Variants in WASHC5 observed in about 807,000 individuals in gnomAD.
WASHC5 encodes WASH complex subunit strumpellin.
Under a neutral mutation model 150.4 loss-of-function variants are expected in WASHC5, and 101 were observed. The ratio of observed to expected loss-of-function variants is 0.67; its 90% CI spans 0.57 to 0.79. WASHC5 has a LOEUF of 0.79. Ranked by LOEUF, WASHC5 falls within the 30% of genes least tolerant of loss-of-function variation. The pLI is 0.00. For synonymous variants in WASHC5, 467 were observed against 491.2 expected (o/e 0.95, Z 0.65); for missense variants, 1,195 against 1,396.3 (o/e 0.86, Z 2.30).
At chr8:125,026,725 G>A (rs1815388017) in intron 28 of WASHC5, among the ~76,000 whole-genome samples, 2 of 151,980 alleles carry the variant, frequency 1.3e-5, no homozygotes, top group African/African-American at 2.4e-5. Flanking sequence ...TGTGTTTCTA[G>A]GCTACATATT....
intron 1 of WASHC5, among the ~76,000 whole-genome samples, chr8:125,085,311 G>A (rs911576147): frequency 5.9e-5 from 9 of 152,134 alleles, no homozygotes; most frequent in Non-Finnish European, 1.3e-4. Flanking sequence ...CTAGGAATTC[G>A]GGGCTAGAGA....
At chr8:125,065,296 T>C (rs1816714813) in intron 10 of WASHC5, among the ~76,000 whole-genome samples, 1 of 152,174 alleles carries the variant, frequency 6.6e-6, no homozygotes, top group African/African-American at 2.4e-5. Context: ...AATTCAAATG[T>C]ATCATTTCTT....
intron 5 of WASHC5, among the ~76,000 whole-genome samples, chr8:125,079,848 ATG>A (rs1190093360): frequency 2.6e-5 from 4 of 152,190 alleles, no homozygotes; most frequent in Non-Finnish European, 5.9e-5. Flanking sequence ...GTATATGTAC[ATG>A]TGTGTTGTGT....
At chr8:125,032,220 G>T in intron 27 of WASHC5, 21 bp downstream of exon 27, 11 of 1,613,882 alleles carry the variant, frequency 6.8e-6, no homozygotes, top group Non-Finnish European at 9.3e-6. Context: ...GTCCCACGTA[G>T]TCCTGGTTGG....
intron 20 of WASHC5, among the ~76,000 whole-genome samples, 196 bp downstream of exon 20, chr8:125,047,011 G>A (rs922226993): frequency 5.3e-5 from 8 of 152,168 alleles, no homozygotes; most frequent in Non-Finnish European, 1.0e-4. Flanking sequence ...CTTGCTGTGC[G>A]GTCAGGTTCC....
At chr8:125,049,731 C>T (rs1816182451) in intron 18 of WASHC5, among the ~76,000 whole-genome samples, 1 of 151,074 alleles carries the variant, frequency 6.6e-6, no homozygotes, top group African/African-American at 2.4e-5. Flanking sequence ...ATCCCAGCTA[C>T]TTAGGAGGCT....
chr8:125,066,212 A>G (rs931335571), intron 10 of WASHC5, among the ~76,000 whole-genome samples: 1 of 152,258 alleles, frequency 6.6e-6, no homozygotes, highest in African/African-American at 2.4e-5. Context: ...GATTTGATAA[A>G]ATTATGCCCA....
intron 28 of WASHC5, 86 bp downstream of exon 28, chr8:125,028,534 G>A: frequency 1.1e-6 from 1 of 924,302 alleles, no homozygotes; most frequent in Non-Finnish European, 1.8e-6. Flanking sequence ...ACGACCTATT[G>A]GGCTTCACTC....
In WASHC5 at chr8:125,039,592, G is replaced by A. The variant is rs188523356; in HGVS notation, c.2954+203C>T. Among the ~76,000 whole-genome samples, 353 of 152,276 alleles carry A rather than the reference G, an allele frequency of 2.3e-3. 3 individuals carry two copies. In the Middle Eastern group the frequency reaches 0.034, roughly 15 times the overall value. ...AATACACGAATCCATTAGAGAGAGT[G>A]AGTGAGAGACAGAGATAAACGGAGG... On this transcript the variant is annotated intron_variant, in intron 24 of 28. Transcript: ENST00000318410.
At chr8:125,061,047 A>G in intron 12 of WASHC5, 35 bp downstream of exon 12, 1 of 1,213,336 alleles carries the variant, frequency 8.2e-7, no homozygotes, top group Non-Finnish European at 1.2e-6. Flanking sequence ...GTGATTCATG[A>G]TCCAAGAACC....
At chr8:125,047,471 T>A in intron 19 of WASHC5, 140 bp from the exon 20 acceptor site, 1 of 789,366 alleles carries the variant, frequency 1.3e-6, no homozygotes, top group Admixed American at 2.2e-5. Context: ...GGAGTCTCGC[T>A]CTGTCCCCCA....
At chr8:125,047,851 G>C (rs974449295) in intron 19 of WASHC5, among the ~76,000 whole-genome samples, 1 of 151,212 alleles carries the variant, frequency 6.6e-6, no homozygotes, top group African/African-American at 2.4e-5. Flanking sequence ...TGCCTGGCTT[G>C]GTTTTTTATT....
rs1258097462 is a variant in WASHC5 at position 125,044,035 on chromosome 8, T to A, written c.2727A>T (p.Leu909Phe). The A allele has an allele frequency of 6.2e-7, 1 of 1,613,848 alleles. No homozygotes were observed. Among genetic ancestry groups the A allele is most frequent in the Non-Finnish European group, 8.5e-7 (1 of 1,179,838 alleles). The stretch of plus-strand genomic sequence containing the variant: ...GACTGACAGCATTCATGAGGGTTTT[T>A]AAAGTGTCCTGAACAGTTCTGTCTC... ...ILRDRTVQDTLKTLMNAVSPL... is the reference protein window; with the variant it reads ...ILRDRTVQDTFKTLMNAVSPL... Residue 909 changes from leucine to phenylalanine, a missense_variant, in exon 22 of 29, where the codon TTA (leucine) becomes TTT (phenylalanine). Around this residue, in one of 3 missense-constraint regions of WASHC5, gnomAD observed 997 missense variants for 1,168.1 expected, o/e 0.85. Transcript: ENST00000318410.
intron 1 of WASHC5, among the ~76,000 whole-genome samples, chr8:125,086,485 T>C (rs2130234223): frequency 6.6e-6 from 1 of 152,350 alleles, no homozygotes; most frequent in African/African-American, 2.4e-5. Flanking sequence ...CATACAAAGA[T>C]ACCAGTCATA....
intron 20 of WASHC5, among the ~76,000 whole-genome samples, chr8:125,046,833 C>T (rs1586348638): frequency 6.6e-6 from 1 of 152,228 alleles, no homozygotes; most frequent in East Asian, 1.9e-4. Context: ...CAACCTAGAT[C>T]CCTCACATGC....
intron 6 of WASHC5, among the ~76,000 whole-genome samples, chr8:125,077,805 C>A (rs1263149358): frequency 6.6e-6 from 1 of 152,170 alleles, no homozygotes; most frequent in Admixed American, 6.5e-5. Flanking sequence ...AACAAAACCT[C>A]CTTTGTGGCT....
intron 25 of WASHC5, 86 bp downstream of exon 25, chr8:125,038,744 C>A: frequency 6.6e-7 from 1 of 1,519,386 alleles, no homozygotes; most frequent in Non-Finnish European, 9.1e-7. Context: ...CCAGGTTCCT[C>A]TGGTATTTCT....
intron 24 of WASHC5, 105 bp from the exon 25 acceptor site, chr8:125,039,064 T>A (rs1232032912): frequency 3.2e-6 from 4 of 1,264,064 alleles, no homozygotes; most frequent in Non-Finnish European, 4.6e-6. Context: ...AGTTTCCTCA[T>A]CTGTAAAATG....
intron 9 of WASHC5, among the ~76,000 whole-genome samples, chr8:125,072,362 G>C (rs1253492298): frequency 9.9e-6 from 1 of 100,718 alleles, no homozygotes; most frequent in East Asian, 3.5e-4. Flanking sequence ...TGGGGGGGGG[G>C]GGCGGGCTCT....
Sources: allele counts gnomAD v4.1 joint callset (sites outside exome capture counted in the v4.1 genomes callset), GRCh38; gene constraint gnomAD v4.1.1; regional missense constraint gnomAD v4.1.1; transcripts MANE v1.5; gene names NCBI Gene and HGNC (gene_info 2026-07-23, HGNC 2026-07-21).